Variants in ABCG2 observed in about 807,000 individuals in gnomAD.
The protein encoded by ABCG2 is broad substrate specificity ATP-binding cassette transporter ABCG2.
In ABCG2, 80 loss-of-function variants were observed where a neutral mutation model predicts 73.5. The ratio of observed to expected loss-of-function variants is 1.09; its 90% CI spans 0.91 to 1.31. The LOEUF (loss-of-function observed/expected upper bound fraction) is 1.31. Ranked by LOEUF, ABCG2 falls within the 50% of genes most tolerant of loss-of-function variation. ABCG2 has a pLI of 0.00. For missense variants in ABCG2, 796 were observed against 786.2 expected, an observed-to-expected ratio of 1.01 and a Z score of -0.15; for synonymous variants, 269 against 282.4, an observed-to-expected ratio of 0.95 and a Z score of 0.48.
At chr4:88,205,126 C>T (rs1729327754) in intron 1 of ABCG2, among the ~76,000 whole-genome samples, 1 of 152,184 alleles carries the variant, frequency 6.6e-6, no homozygotes, top group Admixed American at 6.5e-5. Context: ...AACAGGGGCA[C>T]ACTAGGAAAT....
At chr4:88,205,349 G>T (rs568841273) in intron 1 of ABCG2, among the ~76,000 whole-genome samples, 1 of 152,276 alleles carries the variant, frequency 6.6e-6, no homozygotes, top group East Asian at 1.9e-4. Flanking sequence ...TAAGATATGT[G>T]TTCCAATTAT....
rs759252543 is a variant in ABCG2, at chr4:88,132,629, G to A, written c.210C>T (p.Ile70=). 8.1e-6 allele frequency: 13 copies of A among 1,614,016 alleles called. No individual in the cohort carries two copies. In the East Asian group the frequency reaches 2.9e-4, roughly 36 times the overall value. The change falls in exon 3 of 16, where the codon ATC becomes ATT. Residue 70 remains isoleucine, a synonymous_variant. Coordinates refer to ENST00000237612, the MANE Select transcript of ABCG2 (RefSeq NM_004827.3). ...GGATGGCGTTGAGACCAGGTTTCAT[G>A]ATCCCACTGTAAACACAAAAACAGA... ...EKEILSNING[I]MKPGLNAILG...
At chr4:88,226,725 C>T (rs1730229700) in intron 1 of ABCG2, 1 of 152,412 alleles carries the variant, frequency 6.6e-6, no homozygotes. Flanking sequence ...AGTACCCTGA[C>T]ATGTTCCTTT....
chr4:88,145,036 C>T (rs2110063685), intron 1 of ABCG2, among the ~76,000 whole-genome samples: 1 of 150,284 alleles, frequency 6.7e-6, no homozygotes, highest in South Asian at 2.1e-4. Flanking sequence ...GGAACTACTG[C>T]ATTTGTTGGT....
intron 5 of ABCG2, among the ~76,000 whole-genome samples, chr4:88,123,448 C>T (rs896448386): frequency 6.6e-6 from 1 of 152,000 alleles, no homozygotes; most frequent in Admixed American, 6.6e-5. Context: ...ATTAGAATAA[C>T]CAGTTTATAG....
At chr4:88,151,082 G>C (rs1270883965) in intron 1 of ABCG2, among the ~76,000 whole-genome samples, 1 of 152,206 alleles carries the variant, frequency 6.6e-6, no homozygotes, top group Admixed American at 6.5e-5. Flanking sequence ...TGACTGAGAA[G>C]CCCCTATGAA....
intron 8 of ABCG2, among the ~76,000 whole-genome samples, chr4:88,113,977 T>A (rs547312801): frequency 2.7e-5 from 4 of 150,840 alleles, no homozygotes; most frequent in African/African-American, 9.7e-5. Flanking sequence ...AAAGAAAAAA[T>A]AGAAATAAAA....
chr4:88,187,568 A>G (rs535302478), intron 1 of ABCG2, among the ~76,000 whole-genome samples: 46 of 151,904 alleles, frequency 3.0e-4, no homozygotes, highest in Middle Eastern at 3.4e-3. Flanking sequence ...AGCCAAGATC[A>G]TGCCATTGCA....
At chr4:88,152,935 T>A (rs564755885) in intron 1 of ABCG2, among the ~76,000 whole-genome samples, 23 of 151,714 alleles carry the variant, frequency 1.5e-4, no homozygotes, top group African/African-American at 4.4e-4. Context: ...TATTGTGGGG[T>A]TGTTAGAAGA....
intron 9 of ABCG2, 143 bp from the exon 10 acceptor site, chr4:88,107,409 C>A: frequency 1.8e-6 from 1 of 563,150 alleles, no homozygotes; most frequent in Non-Finnish European, 3.0e-6. Context: ...GGCCAACGTC[C>A]CTGGGAGAAA....
At chr4:88,140,099 C>A (rs1725526624) in intron 1 of ABCG2, 85 bp from the exon 2 acceptor site, 3 of 1,171,702 alleles carry the variant, frequency 2.6e-6, no homozygotes, top group Non-Finnish European at 3.6e-6. Context: ...AAAACAAGTC[C>A]ATTTTTAAAT....
At chr4:88,115,904 G>A (rs12642930) in intron 7 of ABCG2, among the ~76,000 whole-genome samples, 1 of 152,126 alleles carries the variant, frequency 6.6e-6, no homozygotes. Context: ...ACTAAATTCA[G>A]AGGTCCAGCG....
rs947297245 is a variant in ABCG2, at chr4:88,090,664, GC to G, written c.*1569del. 2.8e-4 allele frequency: 43 copies of G among 152,292 alleles called. No homozygotes were observed. The highest frequency in any genetic ancestry group is 9.4e-4 in the African/African-American group (39 of 41,562). 9.4% of individuals were successfully genotyped at this position (152,292 alleles called of 1,614,324 possible). The stretch of plus-strand genomic sequence containing the variant: ...TGTCAGGGCGTCTATACACCATGAT[GC>G]CCCAGCTCAGTTAACTCCTGTAAGT... On this transcript the variant is annotated 3_prime_UTR_variant, in exon 16 of 16. Transcript: ENST00000237612.
chr4:88,216,088 G>A (rs1578285440), intron 1 of ABCG2, among the ~76,000 whole-genome samples: 1 of 152,138 alleles, frequency 6.6e-6, no homozygotes, highest in East Asian at 1.9e-4. Context: ...ACACTTAGGC[G>A]AGACTGTTAA....
chr4:88,160,956 G>A (rs1727274619), upstream of ABCG2, among the ~76,000 whole-genome samples: 1 of 150,626 alleles, frequency 6.6e-6, no homozygotes, highest in Non-Finnish European at 1.5e-5. Flanking sequence ...CCAAAGAATT[G>A]CTTGAGCCCA....
At chr4:88,146,008 A>T (rs1725972435) in intron 1 of ABCG2, among the ~76,000 whole-genome samples, 5 of 152,142 alleles carry the variant, frequency 3.3e-5, no homozygotes. Flanking sequence ...GGAAGCAAGG[A>T]CTAGCGGGGA....
Position 88,121,686 on chromosome 4 carries a change from G to A in ABCG2, c.638C>T (p.Thr213Ile). The change falls in exon 6 of 16, where the codon ACA becomes ATA. Residue 213 changes from threonine (T) to isoleucine (I), a missense_variant. Physicochemically the swap from Thr to Ile is moderately conservative, Grantham distance 89. Coordinates refer to ENST00000237612, the MANE Select transcript of ABCG2 (RefSeq NM_004827.3). The part of the protein sequence containing the change: ...DPSILFLDEP[T>I]TGLDSSTANA... The stretch of plus-strand genomic sequence containing the variant: ...TGCTGTGCTTGAGTCTAAGCCAGTT[G>A]TAGGCTCATCCAAGAACAAGATGGA... 1.9e-6 allele frequency: 3 copies of A among 1,614,108 alleles called. No homozygotes were observed. The highest frequency in any genetic ancestry group is 2.5e-6 in the Non-Finnish European group (3 of 1,179,984).
At chr4:88,159,991 C>T (rs924750316), upstream of ABCG2, among the ~76,000 whole-genome samples, 6 of 151,978 alleles carry the variant, frequency 3.9e-5, no homozygotes, top group Non-Finnish European at 5.9e-5. Flanking sequence ...GCCTGTAATC[C>T]CAGCACTTTG....
At chr4:88,190,630 A>G (rs1166022750) in intron 1 of ABCG2, among the ~76,000 whole-genome samples, 1 of 152,212 alleles carries the variant, frequency 6.6e-6, no homozygotes, top group Non-Finnish European at 1.5e-5. Flanking sequence ...TAGGGACTCC[A>G]AGACTTTTGT....
Sources: gnomAD v4.1 joint callset for allele counts (sites outside exome capture counted in the v4.1 genomes callset) on GRCh38, gnomAD v4.1.1 for gene constraint, MANE v1.5 for transcripts, NCBI Gene and HGNC (gene_info 2026-07-23, HGNC 2026-07-21) for gene names.